Variants in OTUD6B observed in about 807,000 individuals in gnomAD.
The protein encoded by OTUD6B is OTU deubiquitinase 6B.
OTUD6B carries 41 observed loss-of-function variants against 36.9 expected under a neutral mutation model. That is an observed-to-expected ratio of 1.11 (90% CI 0.87 to 1.44). The LOEUF (loss-of-function observed/expected upper bound fraction) is 1.44, where lower values mean the gene tolerates loss of function less well. Ranked by LOEUF, OTUD6B falls within the 40% of genes most tolerant of loss-of-function variation. The probability of loss-of-function intolerance (pLI) is 0.00; values close to 1 mark genes in which losing one functional copy is unlikely to be tolerated. For synonymous variants in OTUD6B, 114 were observed against 114.2 expected, an observed-to-expected ratio of 1.00 and a Z score of 0.01; for missense variants, 356 against 344.8, an observed-to-expected ratio of 1.03 and a Z score of -0.26.
In OTUD6B at chr8:91,084,889, T is replaced by G. The variant is rs1342601084; in HGVS notation, c.*21T>G. The G allele has an allele frequency of 3.2e-6, 4 of 1,243,416 alleles. No individual in the cohort carries two copies. Among genetic ancestry groups the G allele is most frequent in the Non-Finnish European group, 4.6e-6 (4 of 872,246 alleles). 77.0% of individuals were successfully genotyped at this position (1,243,416 alleles called of 1,614,324 possible). ...GCTAATTTATACAATGTTGTACAATTATGTTTTAATACAGTGTGCTGAACT... is the reference window on the plus strand; with the variant it reads ...GCTAATTTATACAATGTTGTACAATGATGTTTTAATACAGTGTGCTGAACT... On this transcript the variant is annotated 3_prime_UTR_variant, in exon 7 of 7. Transcript: ENST00000404789.
intron 5 of OTUD6B, among the ~76,000 whole-genome samples, chr8:91,082,848 C>G (rs1812934727): frequency 6.7e-6 from 1 of 148,212 alleles, no homozygotes; most frequent in South Asian, 2.1e-4. Flanking sequence ...GCCTCCCGGG[C>G]TCAAGTGATC....
At position 91,078,566 on chromosome 8, in the gene OTUD6B, G is replaced by A; in HGVS notation, c.526G>A (p.Val176Met). The change falls in exon 4 of 7, where the codon GTG (valine) becomes ATG (methionine). Residue 176 changes from valine to methionine, a missense_variant. By Grantham distance (21) the Val-to-Met change is conservative (BLOSUM62 1). Coordinates refer to ENST00000404789, the MANE Select transcript of OTUD6B (RefSeq NM_016023.5). Reference protein sequence around the residue: ...QLKEKDCALTVVALRSQTAEY... With the variant: ...QLKEKDCALTMVALRSQTAEY... ...GAAAGAAAAGGATTGTGCTCTGACT[G>A]TGGTTGCCTTGAGAAGTCAGACCGC... 1.2e-6 allele frequency: 2 copies of A among 1,608,072 alleles called. No individual in the cohort carries two copies. Among genetic ancestry groups the A allele is most frequent in the Non-Finnish European group, 1.7e-6 (2 of 1,176,866 alleles).
intron 3 of OTUD6B, among the ~76,000 whole-genome samples, chr8:91,077,955 G>A (rs1257529284): frequency 6.6e-6 from 1 of 152,002 alleles, no homozygotes; most frequent in Non-Finnish European, 1.5e-5. Context: ...ATATTAACAC[G>A]TTACTGGTGG....
intron 5 of OTUD6B, among the ~76,000 whole-genome samples, chr8:91,083,288 C>T (rs992978097): frequency 2.0e-5 from 3 of 152,056 alleles, no homozygotes; most frequent in African/African-American, 7.2e-5. Context: ...CCCATTTTCT[C>T]ACATTGTAAT....
Position 91,085,098 on chromosome 8 carries a change from TAGAC to T in OTUD6B, c.*231_*234del, listed in dbSNP as rs1812989143. On this transcript the variant is annotated 3_prime_UTR_variant, in exon 7 of 7. Coordinates refer to ENST00000404789, the MANE Select transcript of OTUD6B (RefSeq NM_016023.5). ...AGTTCATTGTAGAGAACACCATTCA[TAGAC>T]CAAGATGGTCCCCTATTAGCTGATA... 2 of 258,140 alleles carry T rather than the reference TAGAC, an allele frequency of 7.7e-6. No homozygotes were observed. The highest frequency in any genetic ancestry group is 7.3e-6 in the Non-Finnish European group (1 of 136,540). 16.0% of individuals were successfully genotyped at this position (258,140 alleles called of 1,614,324 possible).
At chr8:91,078,722 A>G in intron 4 of OTUD6B, 54 bp downstream of exon 4, 1 of 1,276,692 alleles carries the variant, frequency 7.8e-7, no homozygotes, top group Non-Finnish European at 1.1e-6. Context: ...AGTTGTTTTT[A>G]AATAAGGTGC....
At chr8:91,079,174 TAAGATAAA>T (rs1812854740) in intron 4 of OTUD6B, 1 of 152,134 alleles carries the variant, frequency 6.6e-6, no homozygotes, top group South Asian at 2.1e-4. Context: ...CTATCACAGT[TAAGATAAA>T]ATATTTATGA....
chr8:91,078,906 A>C, intron 4 of OTUD6B: 1 of 334,152 alleles, frequency 3.0e-6, no homozygotes, highest in Non-Finnish European at 5.4e-6. Context: ...CATTTTATGT[A>C]AGATAGAAGT....
chr8:91,075,740 A>G (rs1812792440), intron 3 of OTUD6B, among the ~76,000 whole-genome samples: 1 of 152,104 alleles, frequency 6.6e-6, no homozygotes, highest in South Asian at 2.1e-4. Context: ...GCTTAAGAAA[A>G]TGGAACCTGA....
chr8:91,072,356 A>G (rs1455081685), intron 2 of OTUD6B, among the ~76,000 whole-genome samples: 1 of 152,320 alleles, frequency 6.6e-6, no homozygotes, highest in East Asian at 1.9e-4. Context: ...TACTCCAGGA[A>G]GTGAATACTG....
At chr8:91,083,966 A>T in intron 5 of OTUD6B, 42 bp from the exon 6 acceptor site, 1 of 1,542,062 alleles carries the variant, frequency 6.5e-7, no homozygotes, top group African/African-American at 1.4e-5. Flanking sequence ...AATGTGATTT[A>T]CATTTTTATT....
At chr8:91,071,355 GT>G in intron 2 of OTUD6B, 66 bp downstream of exon 2, 1 of 1,105,992 alleles carries the variant, frequency 9.0e-7, no homozygotes, top group Non-Finnish European at 1.3e-6. Flanking sequence ...TCTGTTAAAT[GT>G]TAAACTGCTT....
chr8:91,071,017 CTCTT>C (rs1812684860), intron 1 of OTUD6B, 117 bp from the exon 2 acceptor site: 29 of 1,455,398 alleles, frequency 2.0e-5, no homozygotes, highest in Non-Finnish European at 2.4e-5. Context: ...TACGTGATGA[CTCTT>C]TCTTCCATAA....
chr8:91,073,945 G>C, intron 3 of OTUD6B, 34 bp downstream of exon 3: 2 of 1,415,492 alleles, frequency 1.4e-6, no homozygotes, highest in Non-Finnish European at 2.0e-6. Context: ...ATATAAGTTA[G>C]TGCTGTGTGT....
intron 1 of OTUD6B, 171 bp from the exon 2 acceptor site, chr8:91,070,967 T>A: frequency 4.9e-6 from 4 of 808,804 alleles, no homozygotes; most frequent in Non-Finnish European, 6.0e-6. Context: ...TTTTTTGGTC[T>A]CAGCTTTATC....
In OTUD6B at chr8:91,078,236, G is replaced by C. The variant is rs902601561; in HGVS notation, c.316-120G>C. Reference sequence around the variant, plus strand: ...TGAGATGATCAATGTGATAGTGTTTGTGCGAGAAGGGAGAATAAACACCGG... The same window carrying C: ...TGAGATGATCAATGTGATAGTGTTTCTGCGAGAAGGGAGAATAAACACCGG... On this transcript the variant is annotated intron_variant, in intron 3 of 6. Transcript: ENST00000404789. 31 of 1,440,684 alleles carry C rather than the reference G, an allele frequency of 2.2e-5. 1 individual carries two copies. The highest frequency in any genetic ancestry group is 1.1e-4 in the Admixed American group (4 of 35,064). 89.2% of individuals were successfully genotyped at this position (1,440,684 alleles called of 1,614,324 possible). A position where few individuals can be genotyped will look rare whatever the true frequency, so the allele number is the denominator to read the frequency against.
In OTUD6B at chr8:91,078,450, A is replaced by G; in HGVS notation, c.410A>G (p.Lys137Arg). 1 of 1,603,526 alleles carries G rather than the reference A, an allele frequency of 6.2e-7. No individual in the cohort carries two copies. The highest frequency in any genetic ancestry group is 8.5e-7 in the Non-Finnish European group (1 of 1,174,362). ...GGAGCCAGACATATGGAAAGTGAGA[A>G]ACTTGCTCAAATATTGGCAGCTAGA... ...LTGARHMESE[K>R]LAQILAARQL... The change falls in exon 4 of 7, where the codon AAA (lysine) becomes AGA (arginine). Residue 137 changes from lysine to arginine, a missense_variant. Transcript: ENST00000404789.
chr8:91,084,999 A>G lies in OTUD6B; in HGVS notation c.*131A>G, dbSNP rs1473224806. 3 of 412,802 alleles carry G rather than the reference A, an allele frequency of 7.3e-6. No individual in the cohort carries two copies. Among genetic ancestry groups the G allele is most frequent in the African/African-American group, 2.1e-5 (1 of 47,726 alleles). The allele number at this position is 412,802 out of a possible 1,614,324, so 25.6% of individuals were successfully genotyped here. A position where few individuals can be genotyped will look rare whatever the true frequency, so the allele number is the denominator to read the frequency against. ...TATCAGTTTTATGGCAAAGCTACTA[A>G]CAGGTGTTTTTAGAAATATGTCAGA... On this transcript the variant is annotated 3_prime_UTR_variant, in exon 7 of 7. Coordinates refer to ENST00000404789, the MANE Select transcript of OTUD6B (RefSeq NM_016023.5).
Position 91,073,877 on chromosome 8 carries a change from A to T in OTUD6B, c.281A>T (p.Gln94Leu). The T allele has an allele frequency of 1.3e-6, 2 of 1,594,538 alleles. No individual in the cohort carries two copies. The highest frequency in any genetic ancestry group is 1.7e-6 in the Non-Finnish European group (2 of 1,169,024). The change falls in exon 3 of 7, where the codon CAG becomes CTG. Residue 94 changes from glutamine (Q) to leucine (L), a missense_variant. Physicochemically the swap from Gln to Leu is moderately radical, Grantham distance 113. Coordinates refer to ENST00000404789, the MANE Select transcript of OTUD6B (RefSeq NM_016023.5). ...ATTTCAAACTTGGTGCTTGAGAATC[A>T]GCCACCTCGGATATCAAAAGCACAA... ...VNISNLVLEN[Q>L]PPRISKAQKR...
Sources: gnomAD v4.1 joint callset for allele counts (sites outside exome capture counted in the v4.1 genomes callset) on GRCh38, gnomAD v4.1.1 for gene constraint, MANE v1.5 for transcripts, NCBI Gene and HGNC (gene_info 2026-07-23, HGNC 2026-07-21) for gene names.